Variants in CSMD1 observed in about 807,000 individuals in gnomAD.
The protein encoded by CSMD1 is CUB and sushi domain-containing protein 1.
A neutral mutation model predicts 417.5 loss-of-function variants in CSMD1; 213 were observed. That is an observed-to-expected ratio of 0.51 (90% CI 0.46 to 0.57). The LOEUF (loss-of-function observed/expected upper bound fraction) is 0.57. CSMD1 is among the 20% of genes least tolerant of loss of function. The pLI is 0.00. For synonymous variants in CSMD1, 2,862 were observed against 1,736.8 expected (o/e 1.65, Z -16.11); for missense variants, 6,923 against 4,529.7 (o/e 1.53, Z -15.17).
chr8:4,811,622 A>G (rs1020549644), intron 1 of CSMD1, among the ~76,000 whole-genome samples: 1 of 152,132 alleles, frequency 6.6e-6, no homozygotes, highest in South Asian at 2.1e-4. Context: ...CATTCACTTC[A>G]AAATTTTGAT....
intron 62 of CSMD1, among the ~76,000 whole-genome samples, chr8:2,959,142 T>G (rs1803256111): frequency 6.6e-6 from 1 of 152,234 alleles, no homozygotes; most frequent in African/African-American, 2.4e-5. Context: ...CTCTCTCTAT[T>G]GCCCAGAGTA....
intron 3 of CSMD1, among the ~76,000 whole-genome samples, chr8:4,106,038 G>A (rs557814174): frequency 3.1e-4 from 47 of 152,228 alleles, no homozygotes; most frequent in Non-Finnish European, 6.3e-4. Flanking sequence ...CTGCATCAAG[G>A]TAGGCCAGAT....
chr8:3,148,456 T>G (rs1818982916), intron 40 of CSMD1, among the ~76,000 whole-genome samples: 1 of 152,146 alleles, frequency 6.6e-6, no homozygotes, highest in Non-Finnish European at 1.5e-5. Flanking sequence ...AGAATCTGAC[T>G]CAGAGGAAAT....
chr8:4,390,497 T>TTTTATTTGTTTA (rs1554457302), intron 3 of CSMD1, among the ~76,000 whole-genome samples: 2 of 140,324 alleles, frequency 1.4e-5, no homozygotes, highest in African/African-American at 5.4e-5. Flanking sequence ...AAGCGTCCAT[T>TTTTATTTGTTTA]TTTATTTATT....
intron 3 of CSMD1, among the ~76,000 whole-genome samples, chr8:4,267,017 G>C (rs1321154838): frequency 9.7e-6 from 1 of 103,540 alleles, no homozygotes; most frequent in African/African-American, 2.6e-5. Flanking sequence ...CAAAACAAAA[G>C]CATAAAACCT....
intron 2 of CSMD1, among the ~76,000 whole-genome samples, chr8:4,631,452 T>C (rs540938961): frequency 1.4e-4 from 21 of 151,694 alleles, no homozygotes; most frequent in African/African-American, 3.6e-4. Flanking sequence ...CCTTAGGACC[T>C]TGTAGCAACT....
chr8:4,161,719 A>G (rs544647125), intron 3 of CSMD1, among the ~76,000 whole-genome samples: 3 of 152,300 alleles, frequency 2.0e-5, no homozygotes, highest in South Asian at 4.1e-4. Flanking sequence ...TAAGAAAACC[A>G]TTGCTGCCAT....
At chr8:4,035,929 C>T (rs1797592810) in intron 3 of CSMD1, among the ~76,000 whole-genome samples, 3 of 152,190 alleles carry the variant, frequency 2.0e-5, no homozygotes, top group South Asian at 4.1e-4. Context: ...GAGCAACTTC[C>T]AGCCCCACAA....
chr8:4,345,762 C>G (rs1339134692), intron 3 of CSMD1, among the ~76,000 whole-genome samples: 1 of 152,086 alleles, frequency 6.6e-6, no homozygotes, highest in Non-Finnish European at 1.5e-5. Context: ...GTGCTATCAT[C>G]TCAACCCCGT....
At chr8:3,738,487 G>C (rs927374310) in intron 6 of CSMD1, among the ~76,000 whole-genome samples, 5 of 152,166 alleles carry the variant, frequency 3.3e-5, no homozygotes, top group African/African-American at 1.2e-4. Flanking sequence ...CATAATTTAA[G>C]TTAGAGTTTT....
Position 4,354,947 on chromosome 8 carries a change from G to C in CSMD1, c.415+65006C>G, listed in dbSNP as rs118021211. 1.4e-3 allele frequency among the ~76,000 whole-genome samples: 211 copies of C among 147,180 alleles called. 6 individuals are homozygous for C. The East Asian group carries it at 0.028, about 19-fold the overall frequency. Reference sequence around the variant, plus strand: ...TATTTTCAGGTTGAAAGAAACCACCGAATTCCACCCAAACCCATGTTTAGA... The same window carrying C: ...TATTTTCAGGTTGAAAGAAACCACCCAATTCCACCCAAACCCATGTTTAGA... On this transcript the variant is annotated intron_variant, in intron 3 of 69. Coordinates refer to ENST00000635120, the MANE Select transcript of CSMD1 (RefSeq NM_033225.6).
chr8:4,223,256 A>T (rs1259549458), intron 3 of CSMD1, among the ~76,000 whole-genome samples: 1 of 152,116 alleles, frequency 6.6e-6, no homozygotes, highest in African/African-American at 2.4e-5. Flanking sequence ...TTTTTCTATC[A>T]ACTGACATTC....
chr8:3,681,187 A>G (rs1166674680), intron 7 of CSMD1, among the ~76,000 whole-genome samples: 1 of 152,212 alleles, frequency 6.6e-6, no homozygotes, highest in Non-Finnish European at 1.5e-5. Flanking sequence ...AGTTCTGGCC[A>G]GGGCAATTAG....
intron 3 of CSMD1, among the ~76,000 whole-genome samples, chr8:4,115,627 C>G (rs1212415582): frequency 6.6e-6 from 1 of 152,146 alleles, no homozygotes; most frequent in African/African-American, 2.4e-5. Context: ...AAACTCCACA[C>G]TTACCTGAAT....
intron 1 of CSMD1, among the ~76,000 whole-genome samples, chr8:4,733,562 C>G (rs974102521): frequency 6.6e-5 from 10 of 152,202 alleles, no homozygotes; most frequent in Admixed American, 6.5e-4. Context: ...ACTGACAAAG[C>G]TATGTGGTGT....
intron 7 of CSMD1, among the ~76,000 whole-genome samples, chr8:3,668,280 C>T (rs1340520304): frequency 6.6e-6 from 1 of 152,062 alleles, no homozygotes; most frequent in African/African-American, 2.4e-5. Context: ...GAAGATGGCC[C>T]TGTGTAAAGG....
chr8:3,430,122 C>A lies in CSMD1; in HGVS notation c.1562-20517G>T, dbSNP rs189177979. Reference sequence around the variant, plus strand: ...ACACATGCACATATACATATATACACACATACATATACATACAAACATATG... The same window carrying A: ...ACACATGCACATATACATATATACAAACATACATATACATACAAACATATG... On this transcript the variant is annotated intron_variant, in intron 12 of 69. Transcript: ENST00000635120. 5.3e-4 allele frequency among the ~76,000 whole-genome samples: 80 copies of A among 152,210 alleles called. 1 individual carries two copies. The highest frequency in any genetic ancestry group is 3.4e-3 in the Middle Eastern group (1 of 294).
At chr8:4,368,813 C>G (rs533387439) in intron 3 of CSMD1, among the ~76,000 whole-genome samples, 2 of 152,028 alleles carry the variant, frequency 1.3e-5, no homozygotes, top group Admixed American at 1.3e-4. Context: ...GTAATGTCAG[C>G]TTTGTCATTT....
intron 29 of CSMD1, among the ~76,000 whole-genome samples, chr8:3,216,839 T>C (rs763522484): frequency 3.3e-5 from 5 of 152,368 alleles, no homozygotes; most frequent in Non-Finnish European, 7.3e-5. Flanking sequence ...CTGGTGTTCC[T>C]TCTATTTCCC....
Sources: gnomAD v4.1 joint callset for allele counts (sites outside exome capture counted in the v4.1 genomes callset) on GRCh38, gnomAD v4.1.1 for gene constraint, MANE v1.5 for transcripts, NCBI Gene and HGNC (gene_info 2026-07-23, HGNC 2026-07-21) for gene names.